The following FGF10 variants were observed in gnomAD, a reference collection of about 807,000 sequenced individuals.
The protein encoded by FGF10 is FGF-10.
Under a neutral mutation model 19.8 loss-of-function variants are expected in FGF10, and 2 were observed. The observed-to-expected ratio is 0.10, with a 90% CI of 0.04 to 0.32. The LOEUF (loss-of-function observed/expected upper bound fraction) is 0.32, where lower values mean the gene tolerates loss of function less well. Among genes scored for constraint, FGF10 ranks in the 10% least tolerant of loss-of-function variants. FGF10 has a pLI of 1.00. For missense variants in FGF10, 191 were observed against 246.3 expected (o/e 0.78, Z 1.50); for synonymous variants, 112 against 94.0 (o/e 1.19, Z -1.10).
intron 1 of FGF10, among the ~76,000 whole-genome samples, chr5:44,378,957 G>A (rs954770145): frequency 2.0e-5 from 3 of 152,156 alleles, no homozygotes; most frequent in Non-Finnish European, 4.4e-5. Flanking sequence ...TGTCAATTCA[G>A]ATTTCAAACT....
intron 1 of FGF10, among the ~76,000 whole-genome samples, chr5:44,370,432 C>T (rs1741718173): frequency 6.6e-6 from 1 of 152,090 alleles, no homozygotes; most frequent in African/African-American, 2.4e-5. Flanking sequence ...CTCATGTGCT[C>T]TTTGTGCTCA....
chr5:44,333,999 C>A (rs1057364797), intron 1 of FGF10, among the ~76,000 whole-genome samples: 1 of 152,012 alleles, frequency 6.6e-6, no homozygotes, highest in Non-Finnish European at 1.5e-5. Context: ...TCTTCTGGCC[C>A]ACACCCTCTT....
intron 1 of FGF10, among the ~76,000 whole-genome samples, chr5:44,324,361 T>A (rs1224127274): frequency 6.6e-6 from 1 of 152,178 alleles, no homozygotes; most frequent in Non-Finnish European, 1.5e-5. Context: ...AAATTTTATC[T>A]GAAACTGTCA....
rs545247209 is a variant in FGF10, at chr5:44,303,716, A to T, written c.*1279T>A. The T allele has an allele frequency of 2.0e-5, 3 of 152,314 alleles. No homozygotes were observed. The East Asian group carries it at 5.8e-4, about 29-fold the overall frequency. The allele number at this position is 152,314 out of a possible 1,614,324, so 9.4% of individuals were successfully genotyped here. A position where few individuals can be genotyped will look rare whatever the true frequency, so the allele number is the denominator to read the frequency against. The stretch of plus-strand genomic sequence containing the variant: ...TTTTATTTGGTTTTGTAAAGACTAG[A>T]TCATACAGCTAGAACAGGTTTTTGT... On this transcript the variant is annotated 3_prime_UTR_variant, in exon 3 of 3. Coordinates refer to ENST00000264664, the MANE Select transcript of FGF10 (RefSeq NM_004465.2).
chr5:44,381,732 G>A (rs1425746640), intron 1 of FGF10, among the ~76,000 whole-genome samples: 1 of 152,150 alleles, frequency 6.6e-6, no homozygotes, highest in Non-Finnish European at 1.5e-5. Flanking sequence ...CAAGGTCCTT[G>A]AAGAAAAGTA....
chr5:44,308,632 G>T (rs2111680049), intron 2 of FGF10, among the ~76,000 whole-genome samples: 1 of 152,094 alleles, frequency 6.6e-6, no homozygotes, highest in South Asian at 2.1e-4. Context: ...TATTCCTCTG[G>T]GTTCATTAGG....
intron 1 of FGF10, among the ~76,000 whole-genome samples, chr5:44,379,688 T>A (rs1301901060): frequency 6.6e-6 from 1 of 152,230 alleles, no homozygotes; most frequent in East Asian, 1.9e-4. Flanking sequence ...TAATTTAACA[T>A]CCAGTTGAAT....
Position 44,304,811 on chromosome 5 carries a change from A to T in FGF10, c.*184T>A. The stretch of plus-strand genomic sequence containing the variant: ...TCTTGATTATAAGACATGACACAGA[A>T]CTAATTAAAAGAACATCATATGTCA... On this transcript the variant is annotated 3_prime_UTR_variant, in exon 3 of 3. Transcript: ENST00000264664. 3.2e-6 allele frequency: 2 copies of T among 623,184 alleles called. No individual in the cohort carries two copies. The highest frequency in any genetic ancestry group is 3.8e-5 in the South Asian group (2 of 53,202). The allele number at this position is 623,184 out of a possible 1,614,324, so 38.6% of individuals were successfully genotyped here.
chr5:44,321,534 G>A (rs2100155), intron 1 of FGF10, among the ~76,000 whole-genome samples: 18,706 of 152,186 alleles, frequency 0.12, 2,800 homozygotes, highest in African/African-American at 0.35. Flanking sequence ...AGTAGCTGCC[G>A]TGACTAAAAT....
chr5:44,303,178 TAC>T lies in FGF10; in HGVS notation c.*1815_*1816del, dbSNP rs1271283756. Among the ~76,000 whole-genome samples the T allele has an allele frequency of 6.6e-6, 1 of 152,162 alleles. No homozygotes were observed. Among genetic ancestry groups the T allele is most frequent in the Non-Finnish European group, 1.5e-5 (1 of 68,024 alleles). On this transcript the variant is annotated 3_prime_UTR_variant, in exon 3 of 3. Transcript: ENST00000264664. ...TGCCTCAAATGTGTTTCTTCTGAAA[TAC>T]AGTTTTTTTGAAGAATGGGAAAAAT... is the stretch of plus-strand genomic sequence containing the variant.
chr5:44,348,821 G>A (rs1282711559), intron 1 of FGF10, among the ~76,000 whole-genome samples: 1 of 151,422 alleles, frequency 6.6e-6, no homozygotes, highest in East Asian at 2.0e-4. Context: ...TCTACATGGG[G>A]AGAATTCTGG....
intron 1 of FGF10, among the ~76,000 whole-genome samples, chr5:44,387,896 G>A (rs763799404): frequency 1.3e-5 from 2 of 151,982 alleles, no homozygotes; most frequent in Non-Finnish European, 2.9e-5. Flanking sequence ...AATTGACAGC[G>A]GATAATTATT....
intron 1 of FGF10, among the ~76,000 whole-genome samples, chr5:44,346,221 C>T (rs1007599236): frequency 6.6e-6 from 1 of 151,784 alleles, no homozygotes; most frequent in African/African-American, 2.4e-5. Context: ...TGTTCTGCCT[C>T]CAAAATGTCT....
At chr5:44,352,705 C>A (rs375913576) in intron 1 of FGF10, among the ~76,000 whole-genome samples, 123 of 151,688 alleles carry the variant, frequency 8.1e-4, no homozygotes, top group Non-Finnish European at 1.5e-3. Context: ...ACCAAGAGAA[C>A]CTTTCAATTT....
chr5:44,340,974 G>A (rs910373137), intron 1 of FGF10, among the ~76,000 whole-genome samples: 1 of 151,926 alleles, frequency 6.6e-6, no homozygotes, highest in Non-Finnish European at 1.5e-5. Context: ...CCACCCCCAA[G>A]TTAAGGATTG....
chr5:44,312,715 G>T (rs946279069), intron 1 of FGF10, among the ~76,000 whole-genome samples: 2 of 152,010 alleles, frequency 1.3e-5, no homozygotes, highest in African/African-American at 4.8e-5. Flanking sequence ...CTGGCCAAAA[G>T]ACAAGAAAGT....
chr5:44,360,194 C>G (rs967532684), intron 1 of FGF10, among the ~76,000 whole-genome samples: 18 of 151,522 alleles, frequency 1.2e-4, no homozygotes, highest in African/African-American at 4.1e-4. Flanking sequence ...ATTCATCATG[C>G]CACTGTAAAA....
chr5:44,376,705 G>A (rs1247281545), intron 1 of FGF10, among the ~76,000 whole-genome samples: 1 of 151,776 alleles, frequency 6.6e-6, no homozygotes, highest in Non-Finnish European at 1.5e-5. Context: ...TGTCATTTTA[G>A]TGAAGAGCAG....
At position 44,388,343 on chromosome 5, in the gene FGF10, G is replaced by T. The variant is rs145059362; in HGVS notation, c.325+15C>A. On this transcript the variant is annotated intron_variant, in intron 1 of 2. Coordinates refer to ENST00000264664, the MANE Select transcript of FGF10 (RefSeq NM_004465.2). Reference sequence around the variant, plus strand: ...TGGATAATTGGAAGGAGGGGAGCATGCATTTGTTACTTACTGTACGGGCAG... The same window carrying T: ...TGGATAATTGGAAGGAGGGGAGCATTCATTTGTTACTTACTGTACGGGCAG... The T allele has an allele frequency of 3.1e-4, 503 of 1,609,534 alleles. No homozygotes were observed. In the African/African-American group the frequency reaches 6.4e-3, roughly 20 times the overall value.
Sources: gnomAD v4.1 joint callset for allele counts (sites outside exome capture counted in the v4.1 genomes callset) on GRCh38, gnomAD v4.1.1 for gene constraint, MANE v1.5 for transcripts, NCBI Gene and HGNC (gene_info 2026-07-23, HGNC 2026-07-21) for gene names.